The following MAPKAP1 variants were observed in gnomAD, a reference collection of about 807,000 sequenced individuals.
MAPKAP1 encodes target of rapamycin complex 2 subunit MAPKAP1.
Under a neutral mutation model 65.7 loss-of-function variants are expected in MAPKAP1, and 20 were observed. That is an observed-to-expected ratio of 0.30 (90% confidence interval 0.21 to 0.44). The LOEUF is 0.44. MAPKAP1 is among the 20% of genes least tolerant of loss of function. MAPKAP1 has a pLI of 1.00. For synonymous variants in MAPKAP1, 222 were observed against 244.3 expected (o/e 0.91, Z 0.85); for missense variants, 423 against 648.0 (o/e 0.65, Z 3.77).
intron 8 of MAPKAP1, among the ~76,000 whole-genome samples, chr9:125,494,703 C>A (rs1308747999): frequency 1.3e-5 from 2 of 152,192 alleles, no homozygotes; most frequent in African/African-American, 4.8e-5. Flanking sequence ...CCCCAAGCTC[C>A]TTCTCATCTC....
At chr9:125,530,349 T>C (rs950430870) in intron 7 of MAPKAP1, among the ~76,000 whole-genome samples, 2 of 152,256 alleles carry the variant, frequency 1.3e-5, no homozygotes, top group Non-Finnish European at 1.5e-5. Context: ...TCTGTAATTA[T>C]AGAATCATTT....
At chr9:125,449,678 C>T (rs900351666) in intron 10 of MAPKAP1, among the ~76,000 whole-genome samples, 18 of 152,118 alleles carry the variant, frequency 1.2e-4, no homozygotes, top group African/African-American at 2.9e-4. Context: ...GAAGTGGAGA[C>T]GTCCAGCTTT....
intron 1 of MAPKAP1, among the ~76,000 whole-genome samples, chr9:125,693,918 C>T (rs1045861218): frequency 6.6e-6 from 1 of 151,822 alleles, no homozygotes; most frequent in Non-Finnish European, 1.5e-5. Context: ...CCTGTAAACC[C>T]AGCACTTTGG....
At chr9:125,518,184 T>C (rs1347163859) in intron 7 of MAPKAP1, among the ~76,000 whole-genome samples, 1 of 152,258 alleles carries the variant, frequency 6.6e-6, no homozygotes, top group Admixed American at 6.5e-5. Flanking sequence ...ACCGTTTTAA[T>C]ATAAAAAATT....
chr9:125,706,445 T>C (rs1398047423), intron 1 of MAPKAP1, among the ~76,000 whole-genome samples: 2 of 152,110 alleles, frequency 1.3e-5, no homozygotes, highest in African/African-American at 4.8e-5. Context: ...GTTAAAGTCA[T>C]AATCTTGTTT....
chr9:125,593,015 G>A (rs1327845226), intron 4 of MAPKAP1, among the ~76,000 whole-genome samples: 1 of 151,354 alleles, frequency 6.6e-6, no homozygotes, highest in Non-Finnish European at 1.5e-5. Context: ...TATAACTCAG[G>A]GCTGGGCATG....
At chr9:125,596,138 C>T (rs1056426610) in intron 4 of MAPKAP1, 9 of 782,068 alleles carry the variant, frequency 1.2e-5, no homozygotes, top group Non-Finnish European at 1.8e-5. Flanking sequence ...GCCACGACTC[C>T]GTGGATAAGA....
intron 10 of MAPKAP1, among the ~76,000 whole-genome samples, chr9:125,453,791 C>T (rs540993892): frequency 1.5e-4 from 22 of 151,676 alleles, no homozygotes; most frequent in Non-Finnish European, 2.2e-4. Context: ...TTGACAATAT[C>T]GAAAAAAAAT....
intron 1 of MAPKAP1, among the ~76,000 whole-genome samples, chr9:125,689,798 T>A (rs971444945): frequency 2.1e-5 from 3 of 141,102 alleles, no homozygotes; most frequent in African/African-American, 5.3e-5. Context: ...TATAACAATG[T>A]ACTACGGGCC....
chr9:125,606,235 G>C (rs562976374), intron 4 of MAPKAP1, among the ~76,000 whole-genome samples: 24 of 152,150 alleles, frequency 1.6e-4, no homozygotes, highest in African/African-American at 2.4e-4. Flanking sequence ...ATAGGGAGGC[G>C]GGGGGAAGAA....
chr9:125,485,532 C>G (rs2133039948), intron 8 of MAPKAP1, among the ~76,000 whole-genome samples: 1 of 152,360 alleles, frequency 6.6e-6, no homozygotes, highest in East Asian at 1.9e-4. Flanking sequence ...CTTCTCACTT[C>G]TCACACATGC....
intron 10 of MAPKAP1, among the ~76,000 whole-genome samples, chr9:125,449,893 T>C (rs1430216397): frequency 6.6e-6 from 1 of 152,068 alleles, no homozygotes; most frequent in Non-Finnish European, 1.5e-5. Context: ...GCAAATCAAC[T>C]GAAAGAAGGG....
Position 125,595,945 on chromosome 9 carries a change from A to C in MAPKAP1, c.499-10218T>G. 1.4e-6 allele frequency: 2 copies of C among 1,421,038 alleles called. No individual in the cohort carries two copies. Among genetic ancestry groups the C allele is most frequent in the Non-Finnish European group, 2.0e-6 (2 of 1,019,744 alleles). The allele number at this position is 1,421,038 out of a possible 1,614,324, so 88.0% of individuals were successfully genotyped here. On this transcript the variant is annotated intron_variant, in intron 4 of 11. Coordinates refer to ENST00000265960, the MANE Select transcript of MAPKAP1 (RefSeq NM_001006617.3). The surrounding 1 kb of genome is among the most constrained non-coding windows in gnomAD (Gnocchi z 4.0). ...CCAAAGAGAGCTGTCTCAAGAGAAG[A>C]TTCTCAAAGACCAGGTGCCCACTTA...
At chr9:125,529,042 T>C (rs1431589398) in intron 7 of MAPKAP1, among the ~76,000 whole-genome samples, 1 of 149,700 alleles carries the variant, frequency 6.7e-6, no homozygotes, top group Non-Finnish European at 1.5e-5. Context: ...GGCGTGGTGG[T>C]GTGCACCTGT....
rs185833834 is a variant in MAPKAP1, at chr9:125,579,793, G to A, written c.671+5762C>T. Among the ~76,000 whole-genome samples, 28 of 152,198 alleles carry A rather than the reference G, an allele frequency of 1.8e-4. No individual in the cohort carries two copies. In the East Asian group the frequency reaches 2.3e-3, roughly 13 times the overall value. On this transcript the variant is annotated intron_variant, in intron 5 of 11. Coordinates refer to ENST00000265960, the MANE Select transcript of MAPKAP1 (RefSeq NM_001006617.3). ...GAAAATACCTCACATTACACTGCCC[G>A]ACAGGAGGAGATCCCAGGGATTCAC... is the stretch of plus-strand genomic sequence containing the variant.
intron 3 of MAPKAP1, among the ~76,000 whole-genome samples, chr9:125,668,661 T>C (rs1271429069): frequency 1.3e-5 from 2 of 152,246 alleles, no homozygotes; most frequent in African/African-American, 4.8e-5. Context: ...AGTCTTTTCT[T>C]CTTGCTGAGA....
chr9:125,531,115 A>T (rs886110989), intron 7 of MAPKAP1, among the ~76,000 whole-genome samples: 1 of 152,196 alleles, frequency 6.6e-6, no homozygotes, highest in Non-Finnish European at 1.5e-5. Flanking sequence ...TGCTGTTTCC[A>T]CTGAGTCTTG....
chr9:125,622,233 G>C (rs1832924958), intron 4 of MAPKAP1, among the ~76,000 whole-genome samples: 1 of 152,076 alleles, frequency 6.6e-6, no homozygotes, highest in Admixed American at 6.6e-5. Flanking sequence ...AGGGTAAGTG[G>C]TTAATTATAA....
intron 4 of MAPKAP1, among the ~76,000 whole-genome samples, chr9:125,647,844 A>T (rs1304805468): frequency 1.3e-5 from 2 of 152,148 alleles, no homozygotes; most frequent in African/African-American, 4.8e-5. Flanking sequence ...CACTCTGCAC[A>T]CCAGAAAAAT....
Sources: gnomAD v4.1 joint callset for allele counts (sites outside exome capture counted in the v4.1 genomes callset) on GRCh38, gnomAD v4.1.1 for gene constraint, Gnocchi (gnomAD v3.1) non-coding constraint, MANE v1.5 for transcripts, NCBI Gene and HGNC (gene_info 2026-07-23, HGNC 2026-07-21) for gene names.